BCAS3: variants seen among roughly 807,000 people sequenced by gnomAD.
The protein encoded by BCAS3 is BCAS3 microtubule associated cell migration factor.
A neutral mutation model predicts 116.1 loss-of-function variants in BCAS3; 53 were observed. The observed-to-expected ratio is 0.46, with a 90% CI of 0.37 to 0.57. BCAS3 has a LOEUF of 0.57. Among genes scored for constraint, BCAS3 ranks in the 20% least tolerant of loss-of-function variants. The pLI is 0.00. For missense variants in BCAS3, 917 were observed against 1,165.4 expected, an observed-to-expected ratio of 0.79 and a Z score of 3.10; for synonymous variants, 391 against 408.2, an observed-to-expected ratio of 0.96 and a Z score of 0.51.
intron 22 of BCAS3, among the ~76,000 whole-genome samples, chr17:61,335,479 C>T (rs2056647436): frequency 6.6e-6 from 1 of 152,224 alleles, no homozygotes; most frequent in Non-Finnish European, 1.5e-5. Context: ...TGCTCTTCTA[C>T]AGCTGCCTCA....
chr17:60,760,219 A>T (rs2043389152), intron 6 of BCAS3, among the ~76,000 whole-genome samples: 1 of 152,060 alleles, frequency 6.6e-6, no homozygotes, highest in Admixed American at 6.6e-5. Context: ...CTGTCATATA[A>T]TTTGTTTTCT....
chr17:61,045,912 TTTATATATATAATATATATAAA>T (rs2068091618), intron 19 of BCAS3, among the ~76,000 whole-genome samples: 1 of 29,250 alleles, frequency 3.4e-5, no homozygotes, highest in African/African-American at 4.3e-4. Context: ...TAAATATATA[TTTATATATATAATATATATAAA>T]TATATATATT....
chr17:60,765,509 A>C (rs1365820123), intron 6 of BCAS3, among the ~76,000 whole-genome samples: 2 of 152,154 alleles, frequency 1.3e-5, no homozygotes, highest in Admixed American at 6.5e-5. Context: ...AAAAATGTTG[A>C]ATATTGGCCC....
intron 9 of BCAS3, among the ~76,000 whole-genome samples, chr17:60,880,156 A>G (rs2055982659): frequency 1.3e-5 from 2 of 152,252 alleles, no homozygotes; most frequent in Admixed American, 1.3e-4. Context: ...TTTAAACTAA[A>G]AACTCATAAA....
In BCAS3 at chr17:61,034,560, C is replaced by A; in HGVS notation, c.1638-106C>A. ...ACTTAAGGCAAAATGCATGTTCATA[C>A]TGGAGGATTTGAATAGGGGTGGAAT... is the stretch of plus-strand genomic sequence containing the variant. On this transcript the variant is annotated intron_variant, in intron 16 of 23. Transcript: ENST00000407086. This position sits in a 1 kb window ranked among gnomAD's most constrained non-coding sequence, Gnocchi z 5.0. 1 of 1,011,074 alleles carries A rather than the reference C, an allele frequency of 9.9e-7. No homozygotes were observed. Among genetic ancestry groups the A allele is most frequent in the Non-Finnish European group, 1.4e-6 (1 of 707,248 alleles). 62.6% of individuals were successfully genotyped at this position (1,011,074 alleles called of 1,614,324 possible). A position where few individuals can be genotyped will look rare whatever the true frequency, so the allele number is the denominator to read the frequency against.
rs1292306680 is a variant in BCAS3 at position 61,180,696 on chromosome 17, A to G, written c.2425+96132A>G. On this transcript the variant is annotated intron_variant, in intron 22 of 23. Coordinates refer to ENST00000407086, the MANE Select transcript of BCAS3 (RefSeq NM_017679.5). The surrounding 1 kb of genome is among the most constrained non-coding windows in gnomAD (Gnocchi z 6.0). Reference sequence around the variant, plus strand: ...CCCATGCTTCGTGTCTGCACAGTGGAACATAAAGCAGCAGCTTAGATGGCA... The same window carrying G: ...CCCATGCTTCGTGTCTGCACAGTGGGACATAAAGCAGCAGCTTAGATGGCA... Among the ~76,000 whole-genome samples the G allele has an allele frequency of 3.9e-5, 6 of 152,246 alleles. No individual in the cohort carries two copies. The highest frequency in any genetic ancestry group is 7.3e-5 in the Non-Finnish European group (5 of 68,042).
chr17:60,991,110 T>C (rs2063498403), intron 15 of BCAS3, among the ~76,000 whole-genome samples: 1 of 152,230 alleles, frequency 6.6e-6, no homozygotes, highest in Non-Finnish European at 1.5e-5. Flanking sequence ...AATTCTCATT[T>C]TTATGGTAAC....
At chr17:60,787,423 T>C (rs2046374249) in intron 6 of BCAS3, among the ~76,000 whole-genome samples, 2 of 152,218 alleles carry the variant, frequency 1.3e-5, no homozygotes, top group African/African-American at 4.8e-5. Context: ...TATTTCATTA[T>C]ATGAATATAA....
At chr17:61,085,429 T>C (rs1156474890) in intron 22 of BCAS3, among the ~76,000 whole-genome samples, 1 of 152,190 alleles carries the variant, frequency 6.6e-6, no homozygotes, top group Non-Finnish European at 1.5e-5. Flanking sequence ...AGGCTTAAAC[T>C]GTGAAAGAAA....
chr17:60,837,964 T>G (rs8081649), intron 7 of BCAS3, among the ~76,000 whole-genome samples: 1 of 152,160 alleles, frequency 6.6e-6, no homozygotes, highest in Non-Finnish European at 1.5e-5. Context: ...CAATACTTTT[T>G]AAAAATTCAA....
rs2047674255 is a variant in BCAS3, at chr17:61,243,271, A to C, written c.2426-125056A>C. 6.6e-6 allele frequency among the ~76,000 whole-genome samples: 1 copy of C among 151,862 alleles called. No homozygotes were observed. Among genetic ancestry groups the C allele is most frequent in the African/African-American group, 2.4e-5 (1 of 41,346 alleles). ...GGAGATACGTATATACCTATCCATC[A>C]CCTCCAAAAGTTACCTGCTGCTCTG... On this transcript the variant is annotated intron_variant, in intron 22 of 23. Coordinates refer to ENST00000407086, the MANE Select transcript of BCAS3 (RefSeq NM_017679.5). The surrounding 1 kb of genome is among the most constrained non-coding windows in gnomAD (Gnocchi z 5.6).
At chr17:60,789,386 C>T (rs1390866476) in intron 6 of BCAS3, among the ~76,000 whole-genome samples, 1 of 152,018 alleles carries the variant, frequency 6.6e-6, no homozygotes, top group Non-Finnish European at 1.5e-5. Context: ...GACAAGGAAA[C>T]GCTTTTGAAT....
intron 13 of BCAS3, among the ~76,000 whole-genome samples, chr17:60,945,962 T>C (rs980974386): frequency 2.7e-5 from 4 of 148,560 alleles, no homozygotes; most frequent in African/African-American, 5.0e-5. Context: ...CTACTAAAAG[T>C]ACAAAAAATT....
In BCAS3 at chr17:61,097,323, C is replaced by T. The variant is rs189972028; in HGVS notation, c.2425+12759C>T. On this transcript the variant is annotated intron_variant, in intron 22 of 23. Coordinates refer to ENST00000407086, the MANE Select transcript of BCAS3 (RefSeq NM_017679.5). The surrounding 1 kb of genome is among the most constrained non-coding windows in gnomAD (Gnocchi z 4.0). ...CCTCCCGAGTAGCTGGGACTACAGG[C>T]GCCCGCCACCACGCCTGGCTAATTT... Among the ~76,000 whole-genome samples the T allele has an allele frequency of 9.1e-3, 1,386 of 152,198 alleles. 28 individuals carry two copies. Among genetic ancestry groups the T allele is most frequent in the African/African-American group, 0.032 (1,321 of 41,524 alleles).
chr17:61,332,282 C>T lies in BCAS3; in HGVS notation c.2426-36045C>T, dbSNP rs114252259. On this transcript the variant is annotated intron_variant, in intron 22 of 23. Transcript: ENST00000407086. This position sits in a 1 kb window ranked among gnomAD's most constrained non-coding sequence, Gnocchi z 5.4. The stretch of plus-strand genomic sequence containing the variant: ...ACCTAAAACAGTCTTACTAGGACAG[C>T]AGGCTTAAGGTATGCCCAGCGCTCA... 3.8e-3 allele frequency among the ~76,000 whole-genome samples: 586 copies of T among 152,280 alleles called. 3 individuals are homozygous for T. The highest frequency in any genetic ancestry group is 0.013 in the African/African-American group (554 of 41,568).
rs2067478253 is a variant in BCAS3 at position 61,041,213 on chromosome 17, A to G, written c.2029+321A>G. On this transcript the variant is annotated intron_variant, in intron 19 of 23. Transcript: ENST00000407086. The surrounding 1 kb of genome is among the most constrained non-coding windows in gnomAD (Gnocchi z 4.7). ...ATGCTAGGATATAATAAAAAGTTTC[A>G]TAAAGCTTGGAATCTGTTTCTAACA... Among the ~76,000 whole-genome samples the G allele has an allele frequency of 2.6e-5, 4 of 151,864 alleles. No individual in the cohort carries two copies. The highest frequency in any genetic ancestry group is 4.4e-5 in the Non-Finnish European group (3 of 68,004).
chr17:60,694,400 C>T (rs1045773547), intron 4 of BCAS3, among the ~76,000 whole-genome samples: 1 of 151,828 alleles, frequency 6.6e-6, no homozygotes, highest in East Asian at 2.0e-4. Flanking sequence ...ACTTGGGAGG[C>T]TGAGGCAGGA....
chr17:61,236,487 T>C (rs931470987), intron 22 of BCAS3, among the ~76,000 whole-genome samples: 7 of 151,978 alleles, frequency 4.6e-5, no homozygotes, highest in African/African-American at 4.8e-5. Context: ...GCCTGGCTAA[T>C]TTTTTTGTAT....
At chr17:60,826,710 A>T (rs892540073) in intron 7 of BCAS3, among the ~76,000 whole-genome samples, 2 of 152,222 alleles carry the variant, frequency 1.3e-5, no homozygotes, top group African/African-American at 4.8e-5. Flanking sequence ...CATGAGCTAC[A>T]TCTAATTCTT....
Sources: allele counts gnomAD v4.1 joint callset (sites outside exome capture counted in the v4.1 genomes callset), GRCh38; gene constraint gnomAD v4.1.1; non-coding constraint Gnocchi (gnomAD v3.1); transcripts MANE v1.5; gene names NCBI Gene and HGNC (gene_info 2026-07-23, HGNC 2026-07-21).